The following C8orf34 variants were observed in gnomAD, a reference collection of about 807,000 sequenced individuals.
C8orf34 encodes chromosome 8 open reading frame 34, also known as uncharacterized protein C8orf34.
A neutral mutation model predicts 68.3 loss-of-function variants in C8orf34; 65 were observed. The ratio of observed to expected loss-of-function variants is 0.95; its 90% CI spans 0.78 to 1.17. The LOEUF is 1.17. Among genes scored for constraint, C8orf34 ranks in the 50% most tolerant of loss-of-function variants. C8orf34 has a pLI of 0.00. For missense variants in C8orf34, 664 were observed against 655.4 expected, an observed-to-expected ratio of 1.01 and a Z score of -0.14; for synonymous variants, 244 against 241.2, an observed-to-expected ratio of 1.01 and a Z score of -0.11.
intron 10 of C8orf34, among the ~76,000 whole-genome samples, chr8:68,751,297 G>A (rs142653387): frequency 1.7e-3 from 264 of 152,220 alleles, no homozygotes; most frequent in Middle Eastern, 3.4e-3. Flanking sequence ...CAGGAAGAAC[G>A]CAGAGCTTGT....
intron 7 of C8orf34, chr8:68,625,755 G>A: frequency 4.0e-6 from 2 of 500,510 alleles, no homozygotes; most frequent in Admixed American, 3.7e-5. Flanking sequence ...TATATGGCCA[G>A]CAAGGGTCTT....
chr8:68,539,849 G>A (rs1256141109), intron 7 of C8orf34, among the ~76,000 whole-genome samples: 5 of 149,526 alleles, frequency 3.3e-5, no homozygotes, highest in Admixed American at 6.6e-5. Context: ...GTGAAACTCC[G>A]TCTAAAAAAA....
chr8:68,588,513 T>C (rs371818324), intron 7 of C8orf34, among the ~76,000 whole-genome samples: 2 of 152,108 alleles, frequency 1.3e-5, no homozygotes, highest in African/African-American at 4.8e-5. Flanking sequence ...GGTAAACAAA[T>C]ATTCTGTGAA....
At chr8:68,463,032 A>G (rs1404101740) in intron 3 of C8orf34, among the ~76,000 whole-genome samples, 3 of 152,100 alleles carry the variant, frequency 2.0e-5, no homozygotes, top group Non-Finnish European at 1.5e-5. Flanking sequence ...AACAAAATTG[A>G]TAGACCGCTA....
intron 5 of C8orf34, among the ~76,000 whole-genome samples, chr8:68,503,626 T>C (rs1813873544): frequency 6.6e-6 from 1 of 152,088 alleles, no homozygotes; most frequent in East Asian, 1.9e-4. Context: ...GCTTTTTGGA[T>C]GTGCTATTAA....
In C8orf34 at chr8:68,352,682, C is replaced by G. The variant is rs552072333; in HGVS notation, c.327+21343C>G. On this transcript the variant is annotated intron_variant, in intron 1 of 13. Coordinates refer to ENST00000518698, the MANE Select transcript of C8orf34 (RefSeq NM_052958.4). ...TTGGTAATATTGCAAATTGAAAGAGCCTTTTGGGTTCGAAATGTGTTAAAA... is the reference window on the plus strand; with the variant it reads ...TTGGTAATATTGCAAATTGAAAGAGGCTTTTGGGTTCGAAATGTGTTAAAA... Among the ~76,000 whole-genome samples the G allele has an allele frequency of 7.9e-5, 12 of 152,056 alleles. No homozygotes were observed. In the South Asian group the frequency reaches 1.7e-3, roughly 21 times the overall value.
chr8:68,564,140 T>C (rs990585587), intron 7 of C8orf34, among the ~76,000 whole-genome samples: 1 of 152,218 alleles, frequency 6.6e-6, no homozygotes, highest in East Asian at 1.9e-4. Flanking sequence ...TTTGCTAACA[T>C]GATAAAAATG....
At chr8:68,764,804 C>T (rs1823122945) in intron 10 of C8orf34, among the ~76,000 whole-genome samples, 1 of 152,108 alleles carries the variant, frequency 6.6e-6, no homozygotes, top group Non-Finnish European at 1.5e-5. Context: ...CGTCTTACTC[C>T]CTTGTCTCAA....
intron 10 of C8orf34, among the ~76,000 whole-genome samples, chr8:68,748,484 T>G (rs1822583762): frequency 6.6e-6 from 1 of 150,976 alleles, no homozygotes; most frequent in Non-Finnish European, 1.5e-5. Context: ...TGCAACCTAC[T>G]CATCTGACAA....
At chr8:68,554,537 A>G (rs1448100550) in intron 7 of C8orf34, among the ~76,000 whole-genome samples, 1 of 152,274 alleles carries the variant, frequency 6.6e-6, no homozygotes, top group African/African-American at 2.4e-5. Context: ...GCTGCTATTC[A>G]TGGTCCTTAA....
At chr8:68,485,821 C>T (rs1479162700) in intron 4 of C8orf34, among the ~76,000 whole-genome samples, 1 of 151,514 alleles carries the variant, frequency 6.6e-6, no homozygotes, top group East Asian at 1.9e-4. Context: ...TATTTAATTT[C>T]AGATATCTAA....
At chr8:68,668,380 CT>C (rs1426880136) in intron 8 of C8orf34, among the ~76,000 whole-genome samples, 1 of 152,124 alleles carries the variant, frequency 6.6e-6, no homozygotes, top group Admixed American at 6.6e-5. Flanking sequence ...AAAAAATATA[CT>C]TATTTTTGTT....
At chr8:68,770,412 C>T (rs1823305935) in intron 10 of C8orf34, among the ~76,000 whole-genome samples, 1 of 152,216 alleles carries the variant, frequency 6.6e-6, no homozygotes, top group African/African-American at 2.4e-5. Context: ...AGGGAACATA[C>T]ATGTTGGCAC....
intron 10 of C8orf34, among the ~76,000 whole-genome samples, chr8:68,754,444 G>A (rs1405379074): frequency 6.6e-6 from 1 of 152,172 alleles, no homozygotes; most frequent in Non-Finnish European, 1.5e-5. Context: ...GATGTAAACA[G>A]GGTTTTTAAG....
At chr8:68,479,322 G>T (rs991566616) in intron 4 of C8orf34, among the ~76,000 whole-genome samples, 2 of 151,742 alleles carry the variant, frequency 1.3e-5, no homozygotes, top group Non-Finnish European at 2.9e-5. Context: ...GCAATTAGTG[G>T]GGAAATTTGG....
chr8:68,643,818 T>TA (rs568663578), intron 8 of C8orf34, among the ~76,000 whole-genome samples: 97 of 151,446 alleles, frequency 6.4e-4, no homozygotes, highest in African/African-American at 1.3e-3. Context: ...CAATTTCACA[T>TA]AAAAAAAAAT....
intron 10 of C8orf34, among the ~76,000 whole-genome samples, chr8:68,762,527 G>T (rs573832886): frequency 7.9e-5 from 12 of 152,178 alleles, no homozygotes; most frequent in Non-Finnish European, 1.3e-4. Context: ...CTGGCTTTTA[G>T]ATTCCCAGAC....
intron 1 of C8orf34, among the ~76,000 whole-genome samples, chr8:68,409,610 G>A (rs1272009572): frequency 6.6e-6 from 1 of 152,168 alleles, no homozygotes; most frequent in Non-Finnish European, 1.5e-5. Flanking sequence ...AAGTAAAAAT[G>A]TTACAGTAAG....
intron 8 of C8orf34, among the ~76,000 whole-genome samples, chr8:68,692,421 A>C (rs992572301): frequency 6.6e-6 from 1 of 152,096 alleles, no homozygotes; most frequent in East Asian, 1.9e-4. Context: ...AAACAGTCAC[A>C]GTCATTTATG....
Sources: allele counts gnomAD v4.1 joint callset (sites outside exome capture counted in the v4.1 genomes callset), GRCh38; gene constraint gnomAD v4.1.1; transcripts MANE v1.5; gene names NCBI Gene and HGNC (gene_info 2026-07-23, HGNC 2026-07-21).